The following THBS4 variants were observed in gnomAD, a reference collection of about 807,000 sequenced individuals.
THBS4 encodes the protein thrombospondin-4.
THBS4 carries 90 observed loss-of-function variants against 115.7 expected under a neutral mutation model. The ratio of observed to expected loss-of-function variants is 0.78; its 90% CI spans 0.66 to 0.93. The LOEUF (loss-of-function observed/expected upper bound fraction) is 0.93. THBS4 is among the 40% of genes least tolerant of loss of function. THBS4 has a pLI of 0.00. For synonymous variants in THBS4, 460 were observed against 479.3 expected (o/e 0.96, Z 0.53); for missense variants, 1,087 against 1,232.7 (o/e 0.88, Z 1.77).
intron 7 of THBS4, among the ~76,000 whole-genome samples, chr5:80,060,963 T>C (rs1433685970): frequency 6.6e-6 from 1 of 152,148 alleles, no homozygotes; most frequent in Non-Finnish European, 1.5e-5. Flanking sequence ...TGCAGGCCCA[T>C]GGTAATGTTA....
chr5:80,061,859 A>G, intron 8 of THBS4, 27 bp downstream of exon 8: 1 of 1,586,706 alleles, frequency 6.3e-7, no homozygotes, highest in Non-Finnish European at 8.6e-7. Flanking sequence ...GTTTCTATTC[A>G]TTTCTCATCT....
At chr5:80,039,991 A>C in intron 1 of THBS4, 86 bp from the exon 2 acceptor site, 1 of 1,222,386 alleles carries the variant, frequency 8.2e-7, no homozygotes, top group Non-Finnish European at 1.2e-6. Flanking sequence ...GCTTACTGTC[A>C]AATTGCACCC....
chr5:80,006,576 G>T (rs1309125182), intron 2 of THBS4, among the ~76,000 whole-genome samples: 1 of 152,134 alleles, frequency 6.6e-6, no homozygotes, highest in East Asian at 1.9e-4. Flanking sequence ...GTTCTTTTTG[G>T]AACTAGGCCT....
chr5:80,033,344 A>G (rs1832622069), upstream of THBS4: 1 of 197,766 alleles, frequency 5.1e-6, no homozygotes, highest in Admixed American at 5.8e-5. Flanking sequence ...TTTAAATAGA[A>G]GAAATTTAAT....
At chr5:80,062,732 T>C (rs987783836) in intron 8 of THBS4, among the ~76,000 whole-genome samples, 4 of 152,180 alleles carry the variant, frequency 2.6e-5, no homozygotes, top group Non-Finnish European at 5.9e-5. Context: ...CCCCACCCTG[T>C]GTCCAAGTGT....
chr5:80,020,211 C>T (rs776259436), intron 2 of THBS4, among the ~76,000 whole-genome samples: 4 of 152,290 alleles, frequency 2.6e-5, no homozygotes, highest in Admixed American at 6.5e-5. Flanking sequence ...CAGTGGCTCA[C>T]GCCTGTAATC....
intron 2 of THBS4, among the ~76,000 whole-genome samples, chr5:80,009,489 G>C (rs2438615): frequency 0.32 from 49,154 of 151,988 alleles, 8,280 homozygotes; most frequent in African/African-American, 0.41. Flanking sequence ...AGGAATTAAC[G>C]TTTAGAGTCT....
chr5:80,006,091 T>C (rs1832012833), intron 2 of THBS4, among the ~76,000 whole-genome samples: 1 of 152,064 alleles, frequency 6.6e-6, no homozygotes, highest in African/African-American at 2.4e-5. Flanking sequence ...AACTAAAGCA[T>C]GTATTATAGT....
In THBS4 at chr5:80,083,058, C is replaced by T. The variant is rs1308774498; in HGVS notation, c.2825-22C>T. The T allele has an allele frequency of 3.7e-6, 6 of 1,611,156 alleles. No individual in the cohort carries two copies. The Admixed American group carries it at 5.0e-5, about 13-fold the overall frequency. On this transcript the variant is annotated intron_variant, in intron 21 of 21. Coordinates refer to ENST00000350881, the MANE Select transcript of THBS4 (RefSeq NM_003248.6). Reference sequence around the variant, plus strand: ...GGGTGGAAGGAGCCTCGCTAACCTCCCTGTGCCCATTCCTATTGCAGACAC... The same window carrying T: ...GGGTGGAAGGAGCCTCGCTAACCTCTCTGTGCCCATTCCTATTGCAGACAC...
At chr5:80,021,741 G>A (rs1397298024) in intron 2 of THBS4, among the ~76,000 whole-genome samples, 3 of 152,056 alleles carry the variant, frequency 2.0e-5, no homozygotes, top group South Asian at 4.1e-4. Flanking sequence ...GGTCTTGAAC[G>A]CCTGGCCTCA....
chr5:80,031,214 T>C (rs1832581424), upstream of THBS4, among the ~76,000 whole-genome samples: 4 of 152,226 alleles, frequency 2.6e-5, no homozygotes, highest in South Asian at 8.3e-4. Context: ...GGATTCTTAT[T>C]GTGGTTAGGA....
chr5:80,046,419 A>T (rs1232829270), intron 2 of THBS4, among the ~76,000 whole-genome samples: 1 of 152,264 alleles, frequency 6.6e-6, no homozygotes, highest in Non-Finnish European at 1.5e-5. Flanking sequence ...AAGACAGGAC[A>T]GGCAAATGTT....
At chr5:80,066,324 T>C (rs1265357367) in intron 9 of THBS4, 1 of 152,258 alleles carries the variant, frequency 6.6e-6, no homozygotes, top group African/African-American at 2.4e-5. Context: ...GTTCCTTGTT[T>C]CCTTGTAAGT....
At chr5:80,054,066 T>C (rs1833338303) in intron 2 of THBS4, among the ~76,000 whole-genome samples, 2 of 151,796 alleles carry the variant, frequency 1.3e-5, no homozygotes, top group South Asian at 4.1e-4. Context: ...GCTACCCACA[T>C]AGGAAAAACA....
intron 1 of THBS4, among the ~76,000 whole-genome samples, chr5:80,038,469 C>T (rs865824674): frequency 2.6e-5 from 4 of 152,014 alleles, no homozygotes; most frequent in Non-Finnish European, 2.9e-5. Flanking sequence ...AAGTTGTTTT[C>T]GGTTTTGATA....
In THBS4 at chr5:80,073,344, A is replaced by G. The variant is rs1311590866; in HGVS notation, c.1892+17A>G. The G allele has an allele frequency of 5.6e-6, 9 of 1,611,870 alleles. No homozygotes were observed. Among genetic ancestry groups the G allele is most frequent in the Non-Finnish European group, 6.8e-6 (8 of 1,178,538 alleles). ...TCAGGACAGGTATGGCATGTCTCCC[A>G]ACTGCAGAGAGACAGATGCAAACAT... On this transcript the variant is annotated intron_variant, in intron 15 of 21. Transcript: ENST00000350881.
Position 80,083,133 on chromosome 5 carries a change from G to T in THBS4, c.2878G>T (p.Asp960Tyr). The T allele has an allele frequency of 1.2e-6, 2 of 1,613,414 alleles. No homozygotes were observed. The highest frequency in any genetic ancestry group is 1.7e-5 in the Admixed American group (1 of 60,020). Residue 960 changes from aspartate to tyrosine, a missense_variant, in exon 22 of 22, where the codon GAT (aspartate) becomes TAT (tyrosine). By Grantham distance (160) the Asp-to-Tyr change is radical. Coordinates refer to ENST00000350881, the MANE Select transcript of THBS4 (RefSeq NM_003248.6). ...EFQTQNFDRF[D>Y]N is the part of the protein sequence containing the mutation. ...TCAAACCCAGAATTTCGACCGCTTC[G>T]ATAATTAAACCAAGGAAGCAATCTG...
intron 3 of THBS4, 62 bp from the exon 4 acceptor site, chr5:80,058,144 G>A (rs922021055): frequency 1.2e-5 from 16 of 1,302,726 alleles, no homozygotes; most frequent in Non-Finnish European, 1.7e-5. Context: ...TGCGTGAGTA[G>A]GCAAGCACAT....
chr5:80,073,240 C>T lies in THBS4; in HGVS notation c.1840-35C>T, dbSNP rs763187836. ...TCTGGAACATTCGGTACATGCAGGC[C>T]CAGGAATAAATAACATGTGCTGTTC... On this transcript the variant is annotated intron_variant, in intron 14 of 21. Transcript: ENST00000350881. 24 of 1,609,604 alleles carry T rather than the reference C, an allele frequency of 1.5e-5. No homozygotes were observed. In the East Asian group the frequency reaches 5.1e-4, roughly 34 times the overall value.
Sources: allele counts gnomAD v4.1 joint callset (sites outside exome capture counted in the v4.1 genomes callset), GRCh38; gene constraint gnomAD v4.1.1; transcripts MANE v1.5; gene names NCBI Gene and HGNC (gene_info 2026-07-23, HGNC 2026-07-21).